PPARGC1B: variants seen among roughly 807,000 people sequenced by gnomAD.
The protein encoded by PPARGC1B is peroxisome proliferator-activated receptor gamma coactivator 1-beta.
PPARGC1B carries 34 observed loss-of-function variants against 101.6 expected under a neutral mutation model. The observed-to-expected ratio is 0.33, with a 90% CI of 0.25 to 0.45. PPARGC1B has a LOEUF of 0.45. Among genes scored for constraint, PPARGC1B ranks in the 20% least tolerant of loss-of-function variants. PPARGC1B has a pLI of 1.00. For missense variants in PPARGC1B, 1,234 were observed against 1,317.6 expected (o/e 0.94, Z 0.98); for synonymous variants, 548 against 539.3 (o/e 1.02, Z -0.22).
intron 2 of PPARGC1B, among the ~76,000 whole-genome samples, chr5:149,826,314 C>A (rs11748411): frequency 6.6e-6 from 1 of 152,134 alleles, no homozygotes; most frequent in Non-Finnish European, 1.5e-5. Flanking sequence ...TGTGGTAGGC[C>A]AGCCTCTGTC....
At chr5:149,746,575 C>T (rs1312767350) in intron 1 of PPARGC1B, among the ~76,000 whole-genome samples, 2 of 152,178 alleles carry the variant, frequency 1.3e-5, no homozygotes, top group African/African-American at 2.4e-5. Flanking sequence ...GCACAAATAT[C>T]TCTTGGAGAC....
At chr5:149,764,495 C>A (rs541726699) in intron 1 of PPARGC1B, among the ~76,000 whole-genome samples, 1 of 152,266 alleles carries the variant, frequency 6.6e-6, no homozygotes, top group East Asian at 1.9e-4. Flanking sequence ...AGGTGCCAGA[C>A]CCAAGTAGAA....
chr5:149,784,377 G>A, intron 1 of PPARGC1B, among the ~76,000 whole-genome samples: 1 of 151,838 alleles, frequency 6.6e-6, no homozygotes. Flanking sequence ...CTGCATCTCT[G>A]TATGTCAGCC....
chr5:149,815,986 C>T (rs560533957), intron 1 of PPARGC1B, among the ~76,000 whole-genome samples: 22 of 152,278 alleles, frequency 1.4e-4, no homozygotes, highest in African/African-American at 4.1e-4. Context: ...ATAATAGCAG[C>T]GGCTGTTAGT....
At position 149,794,084 on chromosome 5, in the gene PPARGC1B, A is replaced by G. The variant is rs941455646; in HGVS notation, c.79-26349A>G. On this transcript the variant is annotated intron_variant, in intron 1 of 11. Coordinates refer to ENST00000309241, the MANE Select transcript of PPARGC1B (RefSeq NM_133263.4). ...TAGCAGAAATCTATCTTATGGCTCG[A>G]AAGTCTAAAATATTTACTAGTTGGC... is the stretch of plus-strand genomic sequence containing the variant. Among the ~76,000 whole-genome samples the G allele has an allele frequency of 6.6e-5, 10 of 152,336 alleles. No homozygotes were observed. The East Asian group carries it at 9.6e-4, about 15-fold the overall frequency.
intron 1 of PPARGC1B, among the ~76,000 whole-genome samples, chr5:149,738,804 C>G (rs761605799): frequency 6.6e-6 from 1 of 152,164 alleles, no homozygotes; most frequent in African/African-American, 2.4e-5. Flanking sequence ...ACCATATTGG[C>G]CAGGCTGGTC....
intron 1 of PPARGC1B, among the ~76,000 whole-genome samples, chr5:149,770,606 G>A (rs749551632): frequency 5.9e-5 from 9 of 152,052 alleles, no homozygotes; most frequent in Non-Finnish European, 1.0e-4. Context: ...AATAAAATCA[G>A]GAAGCCGAGG....
intron 1 of PPARGC1B, among the ~76,000 whole-genome samples, chr5:149,756,760 C>T (rs1462301206): frequency 1.3e-5 from 2 of 152,254 alleles, no homozygotes; most frequent in East Asian, 1.9e-4. Flanking sequence ...GCTTGTCCCT[C>T]GTCCCCCAAC....
intron 1 of PPARGC1B, among the ~76,000 whole-genome samples, chr5:149,776,500 C>A (rs2113206352): frequency 6.6e-6 from 1 of 152,302 alleles, no homozygotes; most frequent in South Asian, 2.1e-4. Context: ...CAAGTCAAAT[C>A]ATTGTGGTAG....
intron 1 of PPARGC1B, among the ~76,000 whole-genome samples, chr5:149,802,261 T>C (rs922743505): frequency 5.3e-5 from 8 of 152,196 alleles, no homozygotes; most frequent in African/African-American, 1.9e-4. Context: ...GACACAGCCA[T>C]GTGGCCCTCG....
chr5:149,754,634 G>A (rs1399016809), intron 1 of PPARGC1B, among the ~76,000 whole-genome samples: 1 of 152,132 alleles, frequency 6.6e-6, no homozygotes, highest in Non-Finnish European at 1.5e-5. Context: ...AAACAGGTAG[G>A]CAGAGTGAGG....
At chr5:149,777,820 C>CACACAT (rs1756425382) in intron 1 of PPARGC1B, among the ~76,000 whole-genome samples, 1 of 139,520 alleles carries the variant, frequency 7.2e-6, no homozygotes, top group Non-Finnish European at 1.6e-5. Context: ...CACACACACA[C>CACACAT]ACACACAGTA....
chr5:149,747,245 T>C (rs950935776), intron 1 of PPARGC1B, among the ~76,000 whole-genome samples: 2 of 152,250 alleles, frequency 1.3e-5, no homozygotes, highest in African/African-American at 4.8e-5. Context: ...TTCATTTTTA[T>C]CTTTGATCCA....
At chr5:149,827,721 G>T (rs139817861) in intron 3 of PPARGC1B, among the ~76,000 whole-genome samples, 19 of 152,332 alleles carry the variant, frequency 1.2e-4, no homozygotes, top group African/African-American at 4.3e-4. Flanking sequence ...CGGTGTGAGC[G>T]TGTGCGGAAT....
intron 1 of PPARGC1B, chr5:149,817,646 T>C (rs1044777179): frequency 2.2e-6 from 1 of 451,454 alleles, no homozygotes; most frequent in South Asian, 1.6e-5. Flanking sequence ...CTGAGTCTTA[T>C]ATAACACAGT....
At chr5:149,813,990 C>T (rs895385666) in intron 1 of PPARGC1B, among the ~76,000 whole-genome samples, 1 of 152,194 alleles carries the variant, frequency 6.6e-6, no homozygotes, top group African/African-American at 2.4e-5. Context: ...CTCATGGCCT[C>T]ACCATGGGGG....
rs1368164844 is a variant in PPARGC1B, at chr5:149,852,126, CAGGG to C, written c.*4571_*4574del. 6.6e-6 allele frequency: 1 copy of C among 152,236 alleles called. No individual in the cohort carries two copies. Among genetic ancestry groups the C allele is most frequent in the East Asian group, 1.9e-4 (1 of 5,190 alleles). 9.4% of individuals were successfully genotyped at this position (152,236 alleles called of 1,614,324 possible). Reference sequence around the variant, plus strand: ...GGCCTTTTGTTGGAAGCCCTTGAAACAGGGAGCCATGGGTTTAGATCTTGGTACC... The same window carrying C: ...GGCCTTTTGTTGGAAGCCCTTGAAACAGCCATGGGTTTAGATCTTGGTACC... On this transcript the variant is annotated 3_prime_UTR_variant, in exon 12 of 12. Transcript: ENST00000309241.
chr5:149,800,285 C>T (rs566208147), intron 1 of PPARGC1B, among the ~76,000 whole-genome samples: 1 of 152,276 alleles, frequency 6.6e-6, no homozygotes, highest in South Asian at 2.1e-4. Context: ...GGCAGTCTTC[C>T]CATAGCAGTG....
chr5:149,769,502 T>C (rs1756042739), intron 1 of PPARGC1B, among the ~76,000 whole-genome samples: 1 of 152,162 alleles, frequency 6.6e-6, no homozygotes, highest in Non-Finnish European at 1.5e-5. Context: ...TCTCCTTTGG[T>C]CTTTCCCCAT....
Sources: allele counts gnomAD v4.1 joint callset (sites outside exome capture counted in the v4.1 genomes callset), GRCh38; gene constraint gnomAD v4.1.1; transcripts MANE v1.5; gene names NCBI Gene and HGNC (gene_info 2026-07-23, HGNC 2026-07-21).